CNBD1: variants seen among roughly 807,000 people sequenced by gnomAD.
The protein encoded by CNBD1 is cyclic nucleotide binding domain containing 1, also known as cyclic nucleotide-binding domain-containing protein 1.
In CNBD1, 71 loss-of-function variants were observed where a neutral mutation model predicts 54.4. The observed-to-expected ratio is 1.30, with a 90% CI of 1.08 to 1.59. The LOEUF (loss-of-function observed/expected upper bound fraction) is 1.59, where lower values mean the gene tolerates loss of function less well. Among genes scored for constraint, CNBD1 ranks in the 40% most tolerant of loss-of-function variants. The pLI is 0.00. For missense variants in CNBD1, 659 were observed against 518.0 expected (o/e 1.27, Z -2.64); for synonymous variants, 182 against 170.7 (o/e 1.07, Z -0.51).
chr8:87,304,008 G>T (rs1015056117), intron 8 of CNBD1, among the ~76,000 whole-genome samples: 2 of 152,168 alleles, frequency 1.3e-5, no homozygotes, highest in Non-Finnish European at 2.9e-5. Context: ...AGAGGATATG[G>T]ATAAATAGGA....
chr8:87,300,573 C>T (rs1377515865), intron 8 of CNBD1, among the ~76,000 whole-genome samples: 3 of 152,116 alleles, frequency 2.0e-5, no homozygotes, highest in Non-Finnish European at 2.9e-5. Flanking sequence ...TATAAAATGA[C>T]ATATATAGCT....
At chr8:87,016,363 G>T (rs1809356024) in intron 4 of CNBD1, among the ~76,000 whole-genome samples, 2 of 150,464 alleles carry the variant, frequency 1.3e-5, no homozygotes, top group South Asian at 4.2e-4. Flanking sequence ...AAAATACAAG[G>T]ATGTCAATTT....
intron 2 of CNBD1, among the ~76,000 whole-genome samples, chr8:86,893,504 T>G (rs1808803291): frequency 6.6e-6 from 1 of 152,156 alleles, no homozygotes; most frequent in Non-Finnish European, 1.5e-5. Context: ...CTTACTCAAA[T>G]TAGAGGAGTT....
downstream of CNBD1, among the ~76,000 whole-genome samples, chr8:87,386,875 C>A (rs1282272356): frequency 2.0e-5 from 3 of 152,154 alleles, no homozygotes; most frequent in East Asian, 1.9e-4. Context: ...GGGTTACCCA[C>A]AAAGGGAAGC....
At chr8:87,259,691 G>C (rs1178061800) in intron 6 of CNBD1, among the ~76,000 whole-genome samples, 3 of 152,128 alleles carry the variant, frequency 2.0e-5, no homozygotes, top group African/African-American at 4.8e-5. Flanking sequence ...TCATTTGCCT[G>C]TTTTTAAGTT....
intron 8 of CNBD1, among the ~76,000 whole-genome samples, chr8:87,304,848 G>T (rs1221625697): frequency 6.6e-6 from 1 of 151,950 alleles, no homozygotes; most frequent in African/African-American, 2.4e-5. Context: ...CTGAGAACTG[G>T]AACAAGAGAA....
At chr8:87,153,723 C>T (rs1253705953) in intron 4 of CNBD1, among the ~76,000 whole-genome samples, 1 of 152,172 alleles carries the variant, frequency 6.6e-6, no homozygotes, top group Non-Finnish European at 1.5e-5. Context: ...AATGGAGATA[C>T]ATGAGTGAGC....
intron 2 of CNBD1, among the ~76,000 whole-genome samples, chr8:86,891,182 C>A (rs192756772): frequency 1.9e-3 from 289 of 152,056 alleles, no homozygotes; most frequent in African/African-American, 6.5e-3. Flanking sequence ...TGTCATGGAA[C>A]TTTTCCCCTA....
At chr8:87,181,939 T>A (rs1327249496) in intron 4 of CNBD1, among the ~76,000 whole-genome samples, 1 of 152,186 alleles carries the variant, frequency 6.6e-6, no homozygotes, top group Admixed American at 6.5e-5. Flanking sequence ...TGCAGGTTTT[T>A]TCCATGAGTA....
At chr8:87,055,019 A>T (rs1586225903) in intron 4 of CNBD1, among the ~76,000 whole-genome samples, 1 of 152,336 alleles carries the variant, frequency 6.6e-6, no homozygotes, top group African/African-American at 2.4e-5. Context: ...TCAAGAGTTA[A>T]GAGTTTGCTC....
At chr8:87,056,451 T>C (rs147676825) in intron 4 of CNBD1, among the ~76,000 whole-genome samples, 2 of 152,328 alleles carry the variant, frequency 1.3e-5, no homozygotes, top group Admixed American at 6.5e-5. Flanking sequence ...AATATTATCT[T>C]AGAAATTCAT....
At chr8:87,353,215 C>T (rs1031921824) in intron 9 of CNBD1, among the ~76,000 whole-genome samples, 7 of 152,146 alleles carry the variant, frequency 4.6e-5, no homozygotes, top group African/African-American at 1.4e-4. Context: ...GGTTCTGGCC[C>T]TGGCATTTTC....
In CNBD1 at chr8:87,163,610, G is replaced by T. The variant is rs1046418288; in HGVS notation, c.432-42383G>T. ...CATTTTTTAAAATTTCTTTTTTTCA[G>T]ATATTTTGTTAGTGTATGAAAATGC... On this transcript the variant is annotated intron_variant, in intron 4 of 10. Transcript: ENST00000518476. The surrounding 1 kb of genome is among the most constrained non-coding windows in gnomAD (Gnocchi z 4.5). Among the ~76,000 whole-genome samples the T allele has an allele frequency of 6.6e-6, 1 of 151,288 alleles. No individual in the cohort carries two copies. The highest frequency in any genetic ancestry group is 2.4e-5 in the African/African-American group (1 of 41,224).
chr8:86,960,901 A>T (rs908798304), intron 4 of CNBD1, among the ~76,000 whole-genome samples: 2 of 152,204 alleles, frequency 1.3e-5, no homozygotes, highest in African/African-American at 2.4e-5. Context: ...AGCAAACTCC[A>T]ACAGACCTGC....
chr8:86,888,338 A>T (rs1808711086), intron 2 of CNBD1, among the ~76,000 whole-genome samples: 6 of 152,026 alleles, frequency 3.9e-5, no homozygotes, highest in Admixed American at 3.9e-4. Context: ...CAACTTTGAT[A>T]TTGCTTGGAT....
intron 4 of CNBD1, among the ~76,000 whole-genome samples, chr8:87,062,099 A>T (rs1315114930): frequency 6.6e-6 from 1 of 152,254 alleles, no homozygotes; most frequent in Admixed American, 6.5e-5. Context: ...AGCTCCCGGC[A>T]AGTGAAATAT....
intron 4 of CNBD1, among the ~76,000 whole-genome samples, chr8:87,078,769 G>T (rs1810926195): frequency 1.3e-5 from 2 of 152,168 alleles, no homozygotes; most frequent in Admixed American, 6.5e-5. Flanking sequence ...ATTCAGGCAT[G>T]ATTTAGAGTT....
chr8:86,974,881 C>CAT (rs1808306572), intron 4 of CNBD1, among the ~76,000 whole-genome samples: 1 of 151,848 alleles, frequency 6.6e-6, no homozygotes, highest in African/African-American at 2.4e-5. Context: ...ATATCTTTTA[C>CAT]ATATCATATA....
intron 4 of CNBD1, among the ~76,000 whole-genome samples, chr8:87,132,158 ATAAT>A (rs1363263595): frequency 6.6e-6 from 1 of 151,900 alleles, no homozygotes; most frequent in African/African-American, 2.4e-5. Flanking sequence ...TAATTACTAC[ATAAT>A]TAATATTTGT....
Sources: gnomAD v4.1 joint callset for allele counts (sites outside exome capture counted in the v4.1 genomes callset) on GRCh38, gnomAD v4.1.1 for gene constraint, Gnocchi (gnomAD v3.1) non-coding constraint, MANE v1.5 for transcripts, NCBI Gene and HGNC (gene_info 2026-07-23, HGNC 2026-07-21) for gene names.